Variants in CDK12 observed in about 807,000 individuals in gnomAD.
CDK12 encodes the protein cyclin-dependent kinase 12.
In CDK12, 17 loss-of-function variants were observed where a neutral mutation model predicts 133.8. That is an observed-to-expected ratio of 0.13 (90% CI 0.09 to 0.19). CDK12 has a LOEUF of 0.19. Ranked by LOEUF, CDK12 falls within the 10% of genes least tolerant of loss-of-function variation. The probability of loss-of-function intolerance (pLI) is 1.00; values close to 1 mark genes in which losing one functional copy is unlikely to be tolerated. For synonymous variants in CDK12, 694 were observed against 683.6 expected, an observed-to-expected ratio of 1.02 and a Z score of -0.24; for missense variants, 1,508 against 1,818.7, an observed-to-expected ratio of 0.83 and a Z score of 3.11.
chr17:39,469,356 G>A (rs958830237), intron 1 of CDK12, among the ~76,000 whole-genome samples: 1 of 152,088 alleles, frequency 6.6e-6, no homozygotes, highest in African/African-American at 2.4e-5. Flanking sequence ...AAGATATTAG[G>A]AGCCCTCATG....
chr17:39,516,896 C>G (rs201974419), intron 9 of CDK12, among the ~76,000 whole-genome samples: 1 of 152,036 alleles, frequency 6.6e-6, no homozygotes, highest in East Asian at 1.9e-4. Flanking sequence ...ATCTCCTGAC[C>G]TCATGATCCG....
At chr17:39,495,967 A>T (rs1310608966) in intron 5 of CDK12, among the ~76,000 whole-genome samples, 1 of 151,026 alleles carries the variant, frequency 6.6e-6, no homozygotes, top group Admixed American at 6.6e-5. Context: ...GCTGGAGTGC[A>T]TTGGCTCGAT....
intron 3 of CDK12, among the ~76,000 whole-genome samples, chr17:39,563,627 C>G (rs931043026): frequency 6.6e-6 from 1 of 152,074 alleles, no homozygotes; most frequent in Non-Finnish European, 1.5e-5. Flanking sequence ...GGAGCAATCT[C>G]AGAGAGCAGT....
At chr17:39,466,912 A>T (rs2049370456) in intron 1 of CDK12, among the ~76,000 whole-genome samples, 1 of 77,832 alleles carries the variant, frequency 1.3e-5, no homozygotes, top group Admixed American at 1.2e-4. Flanking sequence ...CCCTTCTATG[A>T]TATTCTCTTG....
chr17:39,555,670 G>A (rs2056126862), intron 2 of CDK12, among the ~76,000 whole-genome samples: 1 of 151,902 alleles, frequency 6.6e-6, no homozygotes. Context: ...GTAAGCAAAT[G>A]TAGGGAGTTC....
At chr17:39,510,981 C>G (rs565393306) in intron 7 of CDK12, among the ~76,000 whole-genome samples, 2 of 140,436 alleles carry the variant, frequency 1.4e-5, no homozygotes, top group African/African-American at 5.2e-5. Flanking sequence ...TTTGGGAGAC[C>G]GAGGTGGGTG....
At chr17:39,566,179 TA>T (rs2144742505), downstream of CDK12, among the ~76,000 whole-genome samples, 1 of 152,324 alleles carries the variant, frequency 6.6e-6, no homozygotes, top group South Asian at 2.1e-4. Flanking sequence ...CTGTCACATT[TA>T]ACTAAAATAT....
intron 1 of CDK12, among the ~76,000 whole-genome samples, chr17:39,467,790 G>C (rs2049460191): frequency 6.6e-6 from 1 of 151,990 alleles, no homozygotes; most frequent in South Asian, 2.1e-4. Flanking sequence ...TTTCTTAAGG[G>C]TAAGTGCATA....
Position 39,462,476 on chromosome 17 carries a change from A to C in CDK12, c.405A>C (p.Glu135Asp), listed in dbSNP as rs1266632612. Residue 135 changes from glutamate (E) to aspartate (D), a missense_variant, in exon 1 of 14, where the codon GAA becomes GAC. Glu to Asp is a conservative substitution (Grantham distance 45). Transcript: ENST00000447079. ...AKQTEKEKSQ[E>D]VSSKSGSMKD... is the part of the protein sequence containing the mutation. ...AGACCGAAAAAGAAAAAAGCCAAGAAGTCTCCAGCAAGTCGGGATCGATGA... is the reference window on the plus strand; with the variant it reads ...AGACCGAAAAAGAAAAAAGCCAAGACGTCTCCAGCAAGTCGGGATCGATGA... 1 of 1,614,006 alleles carries C rather than the reference A, an allele frequency of 6.2e-7. No homozygotes were observed. Among genetic ancestry groups the C allele is most frequent in the East Asian group, 2.2e-5 (1 of 44,890 alleles).
chr17:39,510,202 C>T (rs1350161323), intron 7 of CDK12, among the ~76,000 whole-genome samples: 2 of 150,664 alleles, frequency 1.3e-5, no homozygotes, highest in African/African-American at 2.4e-5. Context: ...TCACTGCAAC[C>T]TCCGCCTCTT....
chr17:39,487,339 G>A (rs1390115625), intron 2 of CDK12, among the ~76,000 whole-genome samples: 1 of 152,132 alleles, frequency 6.6e-6, no homozygotes, highest in African/African-American at 2.4e-5. Context: ...ACACACAAGG[G>A]TTAACAGTAT....
chr17:39,465,029 C>T (rs947440183), intron 1 of CDK12, among the ~76,000 whole-genome samples: 5 of 151,592 alleles, frequency 3.3e-5, no homozygotes, highest in Non-Finnish European at 5.9e-5. Flanking sequence ...GGGCGGATCA[C>T]GAGGTAGGGA....
chr17:39,477,748 A>AT (rs2050330760), intron 2 of CDK12, among the ~76,000 whole-genome samples: 1 of 146,258 alleles, frequency 6.8e-6, no homozygotes. Context: ...AATTTTTTGT[A>AT]TTTTTTAGTA....
chr17:39,540,408 T>C (rs1242619766), intron 1 of CDK12, among the ~76,000 whole-genome samples: 1 of 152,214 alleles, frequency 6.6e-6, no homozygotes, highest in Non-Finnish European at 1.5e-5. Context: ...GCATGCACCA[T>C]GTGTCCAGAT....
At chr17:39,502,675 A>G (rs191585313) in intron 6 of CDK12, among the ~76,000 whole-genome samples, 132 of 152,096 alleles carry the variant, frequency 8.7e-4, no homozygotes, top group African/African-American at 2.0e-3. Flanking sequence ...ATTAAGGTCA[A>G]TTTTTTTTCA....
chr17:39,462,692 C>A lies in CDK12; in HGVS notation c.621C>A (p.Pro207=). 4 of 1,614,124 alleles carry A rather than the reference C, an allele frequency of 2.5e-6. No homozygotes were observed. Among genetic ancestry groups the A allele is most frequent in the Non-Finnish European group, 3.4e-6 (4 of 1,180,010 alleles). ...RSKSHRKRET[P]KSYKTVDSPK... is the part of the protein sequence containing the mutation. ...AAAGTCATCGAAAAAGGGAAACACCCAAAAGTTACAAAACAGTGGACAGCC... is the reference window on the plus strand; with the variant it reads ...AAAGTCATCGAAAAAGGGAAACACCAAAAAGTTACAAAACAGTGGACAGCC... The change falls in exon 1 of 14, where the codon CCC becomes CCA. Residue 207 remains proline (P), a synonymous_variant. Transcript: ENST00000447079.
chr17:39,529,001 A>G (rs868846279), intron 13 of CDK12, among the ~76,000 whole-genome samples: 24 of 152,162 alleles, frequency 1.6e-4, no homozygotes, highest in African/African-American at 5.3e-4. Context: ...TCCATGTTCA[A>G]AATTTTCCAT....
chr17:39,562,000 C>T (rs1482744444), intron 3 of CDK12, among the ~76,000 whole-genome samples: 2 of 152,110 alleles, frequency 1.3e-5, no homozygotes, highest in African/African-American at 4.8e-5. Flanking sequence ...AGTGCAGTGG[C>T]GCGATCTCGG....
At position 39,533,449 on chromosome 17, in the gene CDK12, T is replaced by G. The variant is rs2054981963; in HGVS notation, c.*2133T>G. The G allele has an allele frequency of 1.3e-5, 3 of 233,220 alleles. No homozygotes were observed. Among genetic ancestry groups the G allele is most frequent in the African/African-American group, 6.6e-5 (3 of 45,472 alleles). 14.4% of individuals were successfully genotyped at this position (233,220 alleles called of 1,614,324 possible). ...ATTGGGCCCCACTCCCTGTTTTTTA[T>G]TAAAGAACGTGAGCCTGGGATACTT... On this transcript the variant is annotated 3_prime_UTR_variant, in exon 14 of 14. Coordinates refer to ENST00000447079, the MANE Select transcript of CDK12 (RefSeq NM_016507.4).
Sources: gnomAD v4.1 joint callset for allele counts (sites outside exome capture counted in the v4.1 genomes callset) on GRCh38, gnomAD v4.1.1 for gene constraint, MANE v1.5 for transcripts, NCBI Gene and HGNC (gene_info 2026-07-23, HGNC 2026-07-21) for gene names.